ME3: variants seen among roughly 807,000 people sequenced by gnomAD.
ME3 encodes NADP-dependent malic enzyme, mitochondrial.
A neutral mutation model predicts 68.9 loss-of-function variants in ME3; 48 were observed. The observed-to-expected ratio is 0.70, with a 90% CI of 0.55 to 0.89. The LOEUF (loss-of-function observed/expected upper bound fraction) is 0.89. ME3 is among the 40% of genes least tolerant of loss of function. The pLI is 0.00. For synonymous variants in ME3, 320 were observed against 318.8 expected, an observed-to-expected ratio of 1.00 and a Z score of -0.04; for missense variants, 675 against 797.4, an observed-to-expected ratio of 0.85 and a Z score of 1.85.
chr11:86,616,453 C>G (rs1397989670), intron 2 of ME3, among the ~76,000 whole-genome samples: 1 of 152,070 alleles, frequency 6.6e-6, no homozygotes, highest in South Asian at 2.1e-4. Context: ...ATTTTAAATT[C>G]TTCTTAAATG....
chr11:86,448,286 G>A, intron 10 of ME3, 31 bp from the exon 11 acceptor site: 1 of 1,519,794 alleles, frequency 6.6e-7, no homozygotes, highest in Non-Finnish European at 9.1e-7. Context: ...AGCAGTTGTG[G>A]TCGTGATGGC....
intron 8 of ME3, chr11:86,457,759 C>G (rs901745610): frequency 7.8e-7 from 1 of 1,278,408 alleles, no homozygotes; most frequent in Non-Finnish European, 1.0e-6. Context: ...GCAGGTTGTT[C>G]CTATTCATGG....
chr11:86,462,640 A>G (rs1950278462), intron 8 of ME3: 1 of 1,268,378 alleles, frequency 7.9e-7, no homozygotes, highest in Non-Finnish European at 1.0e-6. Flanking sequence ...TTAAACATTT[A>G]TTAGGCATCT....
At chr11:86,497,425 TG>T (rs1234131269) in intron 6 of ME3, among the ~76,000 whole-genome samples, 3 of 152,146 alleles carry the variant, frequency 2.0e-5, no homozygotes, top group Non-Finnish European at 4.4e-5. Context: ...AACCCTTGGC[TG>T]GGGCCTGAGC....
At chr11:86,634,373 T>A (rs1400286503) in intron 2 of ME3, among the ~76,000 whole-genome samples, 1 of 152,136 alleles carries the variant, frequency 6.6e-6, no homozygotes, top group Non-Finnish European at 1.5e-5. Flanking sequence ...ACATCCTGGT[T>A]GTGAGTAGCA....
chr11:86,556,845 T>A, intron 3 of ME3, 143 bp from the exon 4 acceptor site: 2 of 781,188 alleles, frequency 2.6e-6, no homozygotes, highest in Non-Finnish European at 4.1e-6. Context: ...GAGCATGAGC[T>A]TCAACAGCTA....
chr11:86,579,323 TGA>T (rs1958298935), intron 2 of ME3, among the ~76,000 whole-genome samples: 1 of 152,196 alleles, frequency 6.6e-6, no homozygotes, highest in South Asian at 2.1e-4. Context: ...AACTTGCCCA[TGA>T]GAGGCAGTGG....
chr11:86,510,515 C>G (rs1226335069), intron 4 of ME3, among the ~76,000 whole-genome samples: 1 of 152,170 alleles, frequency 6.6e-6, no homozygotes, highest in East Asian at 1.9e-4. Flanking sequence ...ATACCCAAGG[C>G]TTTTGGCCAA....
chr11:86,531,677 T>C (rs1392858040), intron 4 of ME3, among the ~76,000 whole-genome samples: 2 of 151,980 alleles, frequency 1.3e-5, no homozygotes, highest in Non-Finnish European at 2.9e-5. Flanking sequence ...CCATAAAAAA[T>C]GATGAGTTCA....
At chr11:86,565,863 C>G (rs1338667694) in intron 2 of ME3, among the ~76,000 whole-genome samples, 1 of 152,146 alleles carries the variant, frequency 6.6e-6, no homozygotes, top group Non-Finnish European at 1.5e-5. Context: ...GAATCTCTGA[C>G]CTGGTCACAA....
intron 4 of ME3, among the ~76,000 whole-genome samples, chr11:86,534,320 G>A (rs1253970226): frequency 6.6e-6 from 1 of 151,928 alleles, no homozygotes; most frequent in Non-Finnish European, 1.5e-5. Context: ...TTAGCTTACT[G>A]TGACTTTTCT....
chr11:86,609,292 C>G (rs1942387911), intron 2 of ME3, among the ~76,000 whole-genome samples: 1 of 152,142 alleles, frequency 6.6e-6, no homozygotes, highest in South Asian at 2.1e-4. Context: ...AGTGTATATA[C>G]AGTGCCTGGT....
chr11:86,560,730 G>A (rs868713700), intron 2 of ME3, among the ~76,000 whole-genome samples: 429 of 41,190 alleles, frequency 0.01, 6 homozygotes, highest in South Asian at 0.075. Context: ...GTGTGTATGT[G>A]TGTGTGTGTG....
intron 2 of ME3, among the ~76,000 whole-genome samples, chr11:86,607,326 T>C (rs1033703938): frequency 6.6e-6 from 1 of 152,142 alleles, no homozygotes; most frequent in Admixed American, 6.6e-5. Context: ...CATCCTTCAA[T>C]GTTCTCAGGC....
chr11:86,524,042 A>T (rs1018169815), intron 4 of ME3, among the ~76,000 whole-genome samples: 4 of 152,226 alleles, frequency 2.6e-5, no homozygotes, highest in Admixed American at 6.5e-5. Context: ...AGAAATAATA[A>T]TCAGAGGCTT....
chr11:86,645,281 C>T (rs1436776591), intron 2 of ME3, among the ~76,000 whole-genome samples: 2 of 152,184 alleles, frequency 1.3e-5, no homozygotes, highest in African/African-American at 2.4e-5. Flanking sequence ...AGATCCCACC[C>T]CCACAGAGCC....
At chr11:86,520,023 GATT>G (rs1954158619) in intron 4 of ME3, among the ~76,000 whole-genome samples, 1 of 152,164 alleles carries the variant, frequency 6.6e-6, no homozygotes, top group Admixed American at 6.5e-5. Context: ...AGAATATTTT[GATT>G]ATTTGAACCC....
chr11:86,474,811 G>T (rs540652307), intron 7 of ME3, among the ~76,000 whole-genome samples: 1 of 152,340 alleles, frequency 6.6e-6, no homozygotes, highest in East Asian at 1.9e-4. Flanking sequence ...AACGCTGCAG[G>T]CAAGGCCATT....
chr11:86,597,979 G>GAAT (rs1959819218), intron 2 of ME3, among the ~76,000 whole-genome samples: 1 of 152,082 alleles, frequency 6.6e-6, no homozygotes, highest in Non-Finnish European at 1.5e-5. Context: ...CAAGATGGCC[G>GAAT]AATAGGAACA....
Sources: gnomAD v4.1 joint callset for allele counts (sites outside exome capture counted in the v4.1 genomes callset) on GRCh38, gnomAD v4.1.1 for gene constraint, MANE v1.5 for transcripts, NCBI Gene and HGNC (gene_info 2026-07-23, HGNC 2026-07-21) for gene names.